Variants in CACNA1C observed in about 807,000 individuals in gnomAD.
CACNA1C encodes calcium voltage-gated channel subunit alpha1 C.
In CACNA1C, 30 loss-of-function variants were observed where a neutral mutation model predicts 229.0. The ratio of observed to expected loss-of-function variants is 0.13; its 90% CI spans 0.10 to 0.18. The LOEUF is 0.18. Ranked by LOEUF, CACNA1C falls within the 10% of genes least tolerant of loss-of-function variation. The pLI is 1.00. For synonymous variants in CACNA1C, 1,114 were observed against 1,132.5 expected, an observed-to-expected ratio of 0.98 and a Z score of 0.33; for missense variants, 1,658 against 2,845.0, an observed-to-expected ratio of 0.58 and a Z score of 9.49.
Position 2,597,424 on chromosome 12 carries a change from G to C in CACNA1C, c.2853+135G>C. 6.3e-7 allele frequency: 1 copy of C among 1,598,506 alleles called. No individual in the cohort carries two copies. The highest frequency in any genetic ancestry group is 8.6e-7 in the Non-Finnish European group (1 of 1,165,978). ...CTCTCAGAGCCACTAATCCAATTAT[G>C]CTTATTTTTCAGATCCTAGGCAATG... On this transcript the variant is annotated intron_variant, in intron 21 of 46. Transcript: ENST00000399655. The surrounding 1 kb of genome is among the most constrained non-coding windows in gnomAD (Gnocchi z 4.3).
At position 2,456,931 on chromosome 12, in the gene CACNA1C, G is replaced by A. The variant is rs552234370; in HGVS notation, c.618-636G>A. 4.6e-5 allele frequency among the ~76,000 whole-genome samples: 7 copies of A among 152,356 alleles called. 2 individuals are homozygous for A. The highest frequency in any genetic ancestry group is 1.9e-4 in the East Asian group (1 of 5,176). On this transcript the variant is annotated intron_variant, in intron 4 of 46. Transcript: ENST00000399655. ...CACACCGCAGGTGTTCTTGTTTGTT[G>A]GAGGAGTGAATATGCCAGCTCAGAC...
rs146560752 is a variant in CACNA1C, at chr12:2,384,875, A to G, written c.478-64101A>G. Among the ~76,000 whole-genome samples, 14 of 152,354 alleles carry G rather than the reference A, an allele frequency of 9.2e-5. No individual in the cohort carries two copies. The East Asian group carries it at 2.7e-3, about 29-fold the overall frequency. ...AAATCTTTTTACTTTTTGGTCTGCT[A>G]GAATTTACTGCATGCGTAGTTATCC... On this transcript the variant is annotated intron_variant, in intron 3 of 46. Transcript: ENST00000399655.
chr12:2,041,350 C>T (rs1156577073), intron 1 of CACNA1C, among the ~76,000 whole-genome samples: 6 of 139,042 alleles, frequency 4.3e-5, no homozygotes, highest in African/African-American at 1.6e-4. Flanking sequence ...TGTCTTGGCT[C>T]ACTGCAAGCT....
chr12:2,219,389 G>A (rs2060844227), intron 3 of CACNA1C, among the ~76,000 whole-genome samples: 1 of 152,134 alleles, frequency 6.6e-6, no homozygotes, highest in Admixed American at 6.5e-5. Flanking sequence ...CCATTCAGAG[G>A]ACCTCACTGA....
intron 42 of CACNA1C, among the ~76,000 whole-genome samples, chr12:2,681,201 G>A (rs561955655): frequency 7.4e-4 from 112 of 152,292 alleles, no homozygotes; most frequent in African/African-American, 2.6e-3. Flanking sequence ...TTTGTTCTCT[G>A]TGACATAAGG....
chr12:2,072,721 A>G (rs576777402), intron 1 of CACNA1C, among the ~76,000 whole-genome samples: 1 of 152,192 alleles, frequency 6.6e-6, no homozygotes, highest in East Asian at 1.9e-4. Flanking sequence ...TTAGGTATCT[A>G]TTAGGTAAAT....
At position 2,112,367 on chromosome 12, in the gene CACNA1C, T is replaced by C. The variant is rs533336103; in HGVS notation, c.50-2857T>C. Among the ~76,000 whole-genome samples, 171 of 152,218 alleles carry C rather than the reference T, an allele frequency of 1.1e-3. 3 individuals are homozygous for C. The highest frequency in any genetic ancestry group is 2.7e-3 in the Admixed American group (41 of 15,296). ...TTAGGCTTGGGATCTACACAGTGAGTGCAGGGAGGACAGGGACGAGTTACA... is the reference window on the plus strand; with the variant it reads ...TTAGGCTTGGGATCTACACAGTGAGCGCAGGGAGGACAGGGACGAGTTACA... On this transcript the variant is annotated intron_variant, in intron 1 of 46. Coordinates refer to ENST00000399655, the MANE Select transcript of CACNA1C (RefSeq NM_000719.7).
rs2053210625 is a variant in CACNA1C, at chr12:2,053,776, G to A, written c.49+165G>A. Among the ~76,000 whole-genome samples, 1 of 150,552 alleles carries A rather than the reference G, an allele frequency of 6.6e-6. No homozygotes were observed. The highest frequency in any genetic ancestry group is 1.5e-5 in the Non-Finnish European group (1 of 67,498). On this transcript the variant is annotated intron_variant, in intron 1 of 46. Coordinates refer to ENST00000399655, the MANE Select transcript of CACNA1C (RefSeq NM_000719.7). This position sits in a 1 kb window ranked among gnomAD's most constrained non-coding sequence, Gnocchi z 5.8. ...GTCGGAGCGCCCGGGAGCCCGGCGGGACCGGGGCCCGAACCGCCGCGCGAG... is the reference window on the plus strand; with the variant it reads ...GTCGGAGCGCCCGGGAGCCCGGCGGAACCGGGGCCCGAACCGCCGCGCGAG...
intron 5 of CACNA1C, among the ~76,000 whole-genome samples, chr12:2,475,011 A>G (rs2099617183): frequency 6.6e-6 from 1 of 152,096 alleles, no homozygotes; most frequent in African/African-American, 2.4e-5. Flanking sequence ...TGTGAAAATA[A>G]GGTTTTGGCT....
chr12:2,327,398 G>A (rs957362368), intron 3 of CACNA1C, among the ~76,000 whole-genome samples: 1 of 152,238 alleles, frequency 6.6e-6, no homozygotes, highest in African/African-American at 2.4e-5. Context: ...GGTTGATTAG[G>A]TTGCCTATCC....
chr12:2,083,094 C>G (rs1296239251), intron 1 of CACNA1C, among the ~76,000 whole-genome samples: 1 of 152,128 alleles, frequency 6.6e-6, no homozygotes, highest in Non-Finnish European at 1.5e-5. Flanking sequence ...GAACAGGGAG[C>G]TCTGATGCAT....
intron 3 of CACNA1C, among the ~76,000 whole-genome samples, chr12:2,284,812 G>C (rs2092358110): frequency 6.6e-6 from 1 of 152,218 alleles, no homozygotes; most frequent in South Asian, 2.1e-4. Flanking sequence ...CTGCAGGGAA[G>C]GGATGCCCGC....
chr12:2,114,281 C>T (rs1313600947), intron 1 of CACNA1C, among the ~76,000 whole-genome samples: 1 of 152,202 alleles, frequency 6.6e-6, no homozygotes, highest in Non-Finnish European at 1.5e-5. Flanking sequence ...TCTGGGCTTC[C>T]TCACAGCATG....
intron 1 of CACNA1C, among the ~76,000 whole-genome samples, chr12:2,101,092 G>A (rs1443247250): frequency 6.6e-6 from 1 of 151,810 alleles, no homozygotes; most frequent in Non-Finnish European, 1.5e-5. Context: ...TTAGACTGTG[G>A]AAACAATTTC....
At chr12:2,377,112 G>A (rs999343765) in intron 3 of CACNA1C, among the ~76,000 whole-genome samples, 1 of 152,162 alleles carries the variant, frequency 6.6e-6, no homozygotes, top group Non-Finnish European at 1.5e-5. Flanking sequence ...GAGGGGCCTG[G>A]AGGAGAAGGA....
At chr12:2,242,870 A>C (rs1195101309) in intron 3 of CACNA1C, among the ~76,000 whole-genome samples, 2 of 152,244 alleles carry the variant, frequency 1.3e-5, no homozygotes, top group Non-Finnish European at 2.9e-5. Flanking sequence ...TTTGATCCTC[A>C]AAAGAACCCT....
intron 1 of CACNA1C, among the ~76,000 whole-genome samples, chr12:2,075,644 T>C (rs1320498494): frequency 1.3e-5 from 2 of 152,230 alleles, no homozygotes; most frequent in East Asian, 1.9e-4. Flanking sequence ...TAGCAGTCCA[T>C]AGGTTGGCAG....
intron 5 of CACNA1C, among the ~76,000 whole-genome samples, chr12:2,481,816 G>A (rs767206693): frequency 6.6e-5 from 10 of 152,220 alleles, no homozygotes; most frequent in East Asian, 1.9e-4. Context: ...CATCACATGC[G>A]TGGGCCAATA....
At chr12:2,578,680 CA>C in intron 13 of CACNA1C, among the ~76,000 whole-genome samples, 1 of 152,294 alleles carries the variant, frequency 6.6e-6, no homozygotes, top group Admixed American at 6.5e-5. Context: ...TGCCTTGAGC[CA>C]AAAGCTATGG....
Sources: allele counts gnomAD v4.1 joint callset (sites outside exome capture counted in the v4.1 genomes callset), GRCh38; gene constraint gnomAD v4.1.1; non-coding constraint Gnocchi (gnomAD v3.1); transcripts MANE v1.5; gene names NCBI Gene and HGNC (gene_info 2026-07-23, HGNC 2026-07-21).